CNTNAP2: variants seen among roughly 807,000 people sequenced by gnomAD.
CNTNAP2 encodes contactin associated protein 2, also known as contactin-associated protein-like 2.
In CNTNAP2, 98 loss-of-function variants were observed where a neutral mutation model predicts 155.2. The observed-to-expected ratio is 0.63, with a 90% CI of 0.54 to 0.75. CNTNAP2 has a LOEUF of 0.75. Among genes scored for constraint, CNTNAP2 ranks in the 30% least tolerant of loss-of-function variants. CNTNAP2 has a pLI of 0.00. For synonymous variants in CNTNAP2, 651 were observed against 631.2 expected (o/e 1.03, Z -0.47); for missense variants, 1,727 against 1,688.1 (o/e 1.02, Z -0.40).
intron 9 of CNTNAP2, among the ~76,000 whole-genome samples, chr7:147,376,219 G>A (rs1028746330): frequency 1.2e-4 from 19 of 152,024 alleles, no homozygotes; most frequent in African/African-American, 4.3e-4. Flanking sequence ...TAACTCGGTA[G>A]TGAGAGCACA....
chr7:147,664,366 C>T (rs1331345258), intron 13 of CNTNAP2, among the ~76,000 whole-genome samples: 2 of 152,146 alleles, frequency 1.3e-5, no homozygotes, highest in African/African-American at 4.8e-5. Context: ...AATAACATTT[C>T]ACCTACTTCT....
chr7:146,317,609 G>A (rs762307753), intron 1 of CNTNAP2, among the ~76,000 whole-genome samples: 18 of 152,150 alleles, frequency 1.2e-4, no homozygotes, highest in Non-Finnish European at 2.4e-4. Flanking sequence ...TTCTAAAATA[G>A]GAGGTTTCTA....
intron 21 of CNTNAP2, among the ~76,000 whole-genome samples, chr7:148,369,675 T>TTATTAC (rs1554425877): frequency 6.9e-6 from 1 of 144,822 alleles, no homozygotes; most frequent in Admixed American, 7.0e-5. Flanking sequence ...ATTATTATTA[T>TTATTAC]TATTACTATT....
At chr7:146,132,449 T>A (rs1429322349) in intron 1 of CNTNAP2, among the ~76,000 whole-genome samples, 1 of 152,100 alleles carries the variant, frequency 6.6e-6, no homozygotes, top group Non-Finnish European at 1.5e-5. Context: ...AGTTTTAGGG[T>A]ACATGTGCAC....
At chr7:148,051,339 T>G (rs933628753) in intron 15 of CNTNAP2, among the ~76,000 whole-genome samples, 2 of 152,138 alleles carry the variant, frequency 1.3e-5, no homozygotes, top group African/African-American at 4.8e-5. Flanking sequence ...ATGAGAGCAT[T>G]TATGTCCTGG....
At chr7:146,816,258 G>T (rs781050460) in intron 2 of CNTNAP2, among the ~76,000 whole-genome samples, 1 of 152,144 alleles carries the variant, frequency 6.6e-6, no homozygotes, top group Non-Finnish European at 1.5e-5. Context: ...TTCAATGTGA[G>T]TCTGATAGTC....
At chr7:147,071,921 G>A (rs1042305099) in intron 4 of CNTNAP2, among the ~76,000 whole-genome samples, 4 of 152,268 alleles carry the variant, frequency 2.6e-5, no homozygotes, top group Admixed American at 2.6e-4. Context: ...CTAGGGGCTG[G>A]ATATGCCCAG....
chr7:146,941,194 T>C (rs904239134), intron 3 of CNTNAP2, among the ~76,000 whole-genome samples: 1 of 152,190 alleles, frequency 6.6e-6, no homozygotes, highest in Non-Finnish European at 1.5e-5. Context: ...CTTCTTCTCT[T>C]ACTGTCTTCT....
In CNTNAP2 at chr7:148,254,005, G is replaced by A. The variant is rs533448404; in HGVS notation, c.3382-13028G>A. 6.7e-4 allele frequency among the ~76,000 whole-genome samples: 102 copies of A among 151,996 alleles called. 2 individuals are homozygous for A. The highest frequency in any genetic ancestry group is 2.1e-3 in the African/African-American group (85 of 41,454). ...AATACTGTATTTTTGATCCGCATTT[G>A]GTTGAAAAAAAAATCCACTTGTAAG... On this transcript the variant is annotated intron_variant, in intron 20 of 23. Coordinates refer to ENST00000361727, the MANE Select transcript of CNTNAP2 (RefSeq NM_014141.6).
intron 5 of CNTNAP2, among the ~76,000 whole-genome samples, chr7:147,117,085 A>C (rs1345747035): frequency 1.3e-5 from 2 of 152,196 alleles, no homozygotes; most frequent in African/African-American, 4.8e-5. Context: ...TGGGGCCCAC[A>C]GAACAATGCC....
rs544352679 is a variant in CNTNAP2, at chr7:148,017,125, C to T, written c.2383+39136C>T. ...GCATTAGCTCAGCAGCAGTCCTGCC[C>T]GGATCTCAGCACCTGAGCTTCTCAT... On this transcript the variant is annotated intron_variant, in intron 15 of 23. Transcript: ENST00000361727. Among the ~76,000 whole-genome samples the T allele has an allele frequency of 8.5e-5, 13 of 152,312 alleles. No individual in the cohort carries two copies. In the South Asian group the frequency reaches 1.0e-3, roughly 12 times the overall value.
rs557618362 is a variant in CNTNAP2, at chr7:146,484,995, TATA to T, written c.98-289270_98-289268del. Among the ~76,000 whole-genome samples, 369 of 152,342 alleles carry T rather than the reference TATA, an allele frequency of 2.4e-3. 1 individual carries two copies. The highest frequency in any genetic ancestry group is 8.4e-3 in the African/African-American group (351 of 41,590). On this transcript the variant is annotated intron_variant, in intron 1 of 23. Transcript: ENST00000361727. ...GATAAAAAAGCTTTTATTATAGCAT[TATA>T]ATAATGTGTGTTATGTACGAAAAAG...
At chr7:147,278,752 G>A (rs2116721049) in intron 8 of CNTNAP2, among the ~76,000 whole-genome samples, 1 of 151,488 alleles carries the variant, frequency 6.6e-6, no homozygotes, top group South Asian at 2.1e-4. Context: ...AAAATTTTAT[G>A]TCTATCATTA....
In CNTNAP2 at chr7:146,370,789, A is replaced by C. The variant is rs1464873352; in HGVS notation, c.97+253816A>C. Reference sequence around the variant, plus strand: ...GTATGGCAAATGTGTGTACTTATAGAATAATTTGGTGATTTATATTTGTTA... The same window carrying C: ...GTATGGCAAATGTGTGTACTTATAGCATAATTTGGTGATTTATATTTGTTA... On this transcript the variant is annotated intron_variant, in intron 1 of 23. Coordinates refer to ENST00000361727, the MANE Select transcript of CNTNAP2 (RefSeq NM_014141.6). 2.0e-5 allele frequency among the ~76,000 whole-genome samples: 3 copies of C among 152,172 alleles called. No individual in the cohort carries two copies. The East Asian group carries it at 5.8e-4, about 29-fold the overall frequency.
At chr7:146,221,467 T>C (rs544462786) in intron 1 of CNTNAP2, among the ~76,000 whole-genome samples, 87 of 152,300 alleles carry the variant, frequency 5.7e-4, no homozygotes, top group African/African-American at 2.0e-3. Flanking sequence ...ATCCACTGCT[T>C]CAGATCCTTG....
intron 17 of CNTNAP2, among the ~76,000 whole-genome samples, chr7:148,170,047 T>G (rs1805749787): frequency 6.6e-6 from 1 of 152,248 alleles, no homozygotes; most frequent in Non-Finnish European, 1.5e-5. Context: ...TCCTTTTTAT[T>G]TACACATAGT....
intron 1 of CNTNAP2, among the ~76,000 whole-genome samples, chr7:146,276,382 T>C (rs1800164144): frequency 6.6e-6 from 1 of 152,226 alleles, no homozygotes; most frequent in Non-Finnish European, 1.5e-5. Context: ...TATCTCAATA[T>C]GCATCATCTT....
intron 15 of CNTNAP2, among the ~76,000 whole-genome samples, chr7:147,985,784 A>G (rs1801609529): frequency 6.6e-6 from 1 of 152,168 alleles, no homozygotes. Flanking sequence ...TGAATGAGGA[A>G]GAAAAATAAT....
intron 1 of CNTNAP2, among the ~76,000 whole-genome samples, chr7:146,535,609 G>T (rs930855482): frequency 6.7e-6 from 1 of 150,198 alleles, no homozygotes; most frequent in Non-Finnish European, 1.5e-5. Flanking sequence ...GTTGCAATGT[G>T]ATTTTTTTCA....
Sources: allele counts gnomAD v4.1 joint callset (sites outside exome capture counted in the v4.1 genomes callset), GRCh38; gene constraint gnomAD v4.1.1; transcripts MANE v1.5; gene names NCBI Gene and HGNC (gene_info 2026-07-23, HGNC 2026-07-21).